PACRG: variants seen among roughly 807,000 people sequenced by gnomAD.
PACRG encodes the protein parkin coregulated.
Under a neutral mutation model 29.7 loss-of-function variants are expected in PACRG, and 29 were observed. The ratio of observed to expected loss-of-function variants is 0.98; its 90% CI spans 0.73 to 1.33. The LOEUF (loss-of-function observed/expected upper bound fraction) is 1.33. Ranked by LOEUF, PACRG falls within the 40% of genes most tolerant of loss-of-function variation. The pLI is 0.00. For synonymous variants in PACRG, 116 were observed against 118.7 expected (o/e 0.98, Z 0.15); for missense variants, 279 against 316.2 (o/e 0.88, Z 0.89).
At chr6:163,154,191 G>A (rs1410500235) in intron 4 of PACRG, among the ~76,000 whole-genome samples, 1 of 152,148 alleles carries the variant, frequency 6.6e-6, no homozygotes, top group Admixed American at 6.5e-5. Context: ...AGCTGGACGT[G>A]CCCCCAGGGT....
chr6:163,161,912 A>G (rs1778572623), intron 4 of PACRG, among the ~76,000 whole-genome samples: 1 of 152,244 alleles, frequency 6.6e-6, no homozygotes, highest in Non-Finnish European at 1.5e-5. Context: ...TTGTAGCCAT[A>G]AAAGTATCTT....
intron 2 of PACRG, among the ~76,000 whole-genome samples, chr6:162,852,020 G>GAAGGAAGGAAGGAAGGAAGGAAGGAAGGA (rs1790947362): frequency 8.1e-5 from 11 of 136,412 alleles, no homozygotes; most frequent in East Asian, 2.5e-4. Flanking sequence ...AGGAAGGAAG[G>GAAGGAAGGAAGGAAGGAAGGAAGGAAGGA]AAGGAAGGAA....
Position 162,728,268 on chromosome 6 carries a change from C to T in PACRG, c.33C>T (p.Asn11=). 1.2e-6 allele frequency: 2 copies of T among 1,613,998 alleles called. No individual in the cohort carries two copies. Among genetic ancestry groups the T allele is most frequent in the South Asian group, 2.2e-5 (2 of 91,090 alleles). Residue 11 remains asparagine, a synonymous_variant, in exon 1 of 5, where the codon AAC becomes AAT. Transcript: ENST00000366888. ...CAGAAAAAGAGACCCTGAGCTTAAA[C>T]AAATGCCCAGACAAGATGCCGAAGA... MVAEKETLSL[N]KCPDKMPKRT...
Position 162,777,371 on chromosome 6 carries a change from G to T in PACRG, c.157-36776G>T, listed in dbSNP as rs183543159. ...TGTAGGCCATGTGGGCACACACTCA[G>T]CTTATTGATAACATCCCTCAGACAC... On this transcript the variant is annotated intron_variant, in intron 1 of 4. Transcript: ENST00000366888. This position sits in a 1 kb window ranked among gnomAD's most constrained non-coding sequence, Gnocchi z 4.0. Among the ~76,000 whole-genome samples the T allele has an allele frequency of 4.2e-3, 639 of 152,302 alleles. 1 individual carries two copies. Among genetic ancestry groups the T allele is most frequent in the African/African-American group, 0.015 (609 of 41,568 alleles).
chr6:163,173,588 G>A (rs1053922531), intron 4 of PACRG, among the ~76,000 whole-genome samples: 2 of 152,214 alleles, frequency 1.3e-5, no homozygotes, highest in African/African-American at 2.4e-5. Context: ...CGTCCTCACT[G>A]ATGAGAGAAT....
At chr6:163,032,994 T>G (rs1226080944) in intron 2 of PACRG, among the ~76,000 whole-genome samples, 1 of 152,214 alleles carries the variant, frequency 6.6e-6, no homozygotes, top group East Asian at 1.9e-4. Context: ...TCTCTTACAA[T>G]TAATTTTTCA....
intron 2 of PACRG, among the ~76,000 whole-genome samples, chr6:163,059,699 T>A (rs1164593203): frequency 6.6e-6 from 1 of 152,170 alleles, no homozygotes; most frequent in Non-Finnish European, 1.5e-5. Flanking sequence ...AGTTATTAAA[T>A]CTCTCTCTGT....
intron 4 of PACRG, among the ~76,000 whole-genome samples, chr6:163,193,229 C>A (rs990517203): frequency 6.6e-5 from 10 of 152,062 alleles, no homozygotes; most frequent in African/African-American, 2.4e-4. Context: ...TTATAAATAT[C>A]CAACTATAGA....
chr6:162,934,903 T>G (rs1037427553), intron 2 of PACRG, among the ~76,000 whole-genome samples: 1 of 152,210 alleles, frequency 6.6e-6, no homozygotes, highest in Non-Finnish European at 1.5e-5. Flanking sequence ...TTTGCTTGTC[T>G]GGGAAAGATT....
At chr6:163,165,706 A>G (rs7763435) in intron 4 of PACRG, 35,599 of 218,574 alleles carry the variant, frequency 0.16, 3,505 homozygotes, top group African/African-American at 0.28. Flanking sequence ...CAAGCCTTCA[A>G]GTCGGTTCAC....
chr6:163,195,652 C>T (rs1019461222), intron 4 of PACRG, among the ~76,000 whole-genome samples: 1 of 152,182 alleles, frequency 6.6e-6, no homozygotes, highest in Admixed American at 6.5e-5. Flanking sequence ...TGCGCCTCGG[C>T]GGCTGAGGAG....
intron 2 of PACRG, among the ~76,000 whole-genome samples, chr6:162,896,410 G>A (rs910578867): frequency 3.3e-4 from 51 of 152,320 alleles, no homozygotes; most frequent in African/African-American, 1.2e-3. Flanking sequence ...GAGTTATTAT[G>A]TGAAGGTCCA....
intron 2 of PACRG, among the ~76,000 whole-genome samples, chr6:162,896,729 A>G (rs1356168208): frequency 6.6e-6 from 1 of 152,230 alleles, no homozygotes; most frequent in East Asian, 1.9e-4. Context: ...TTTAGTAAGC[A>G]AGCGGTCTGT....
intron 4 of PACRG, among the ~76,000 whole-genome samples, chr6:163,264,159 G>A (rs904372824): frequency 2.6e-5 from 4 of 152,140 alleles, no homozygotes; most frequent in Non-Finnish European, 4.4e-5. Flanking sequence ...TTAGATCATC[G>A]GGGAATGTAA....
At chr6:163,312,479 C>T (rs1487852777) in intron 4 of PACRG, among the ~76,000 whole-genome samples, 1 of 151,988 alleles carries the variant, frequency 6.6e-6, no homozygotes, top group African/African-American at 2.4e-5. Flanking sequence ...CCTCCTCTCT[C>T]AATCCAACTC....
intron 4 of PACRG, among the ~76,000 whole-genome samples, chr6:163,122,550 C>T (rs989566804): frequency 6.6e-6 from 1 of 152,134 alleles, no homozygotes; most frequent in African/African-American, 2.4e-5. Flanking sequence ...ACCTCCCCCT[C>T]GCTCTCTCGC....
intron 4 of PACRG, among the ~76,000 whole-genome samples, chr6:163,129,177 A>AT (rs936445854): frequency 6.6e-6 from 1 of 152,206 alleles, no homozygotes; most frequent in Non-Finnish European, 1.5e-5. Flanking sequence ...TTAAATGAGA[A>AT]TGGGGGGGAA....
At chr6:163,034,183 C>T (rs1441362093) in intron 2 of PACRG, among the ~76,000 whole-genome samples, 1 of 152,186 alleles carries the variant, frequency 6.6e-6, no homozygotes, top group Admixed American at 6.5e-5. Context: ...GTTCAGGCAG[C>T]TGCTTGTCAG....
intron 2 of PACRG, among the ~76,000 whole-genome samples, chr6:162,941,477 AC>A (rs941662075): frequency 5.3e-5 from 8 of 152,292 alleles, no homozygotes; most frequent in African/African-American, 1.9e-4. Flanking sequence ...TAAGCACATC[AC>A]AGTGAAAGGA....
Sources: allele counts gnomAD v4.1 joint callset (sites outside exome capture counted in the v4.1 genomes callset), GRCh38; gene constraint gnomAD v4.1.1; non-coding constraint Gnocchi (gnomAD v3.1); transcripts MANE v1.5; gene names NCBI Gene and HGNC (gene_info 2026-07-23, HGNC 2026-07-21).